The following CIMAP2 variants were observed in gnomAD, a reference collection of about 807,000 sequenced individuals.
CIMAP2 encodes ciliary microtubule-associated protein 2.
the CIMAP2 span, chr1:54,806,366 C>G: frequency 1.2e-6 from 1 of 800,958 alleles, no homozygotes; most frequent in South Asian, 2.1e-5. Context: ...GGAGTGGGGG[C>G]CGGCAGTGAG....
chr1:54,815,464 G>C, the CIMAP2 span, among the ~76,000 whole-genome samples: 1 of 152,136 alleles, frequency 6.6e-6, no homozygotes, highest in Admixed American at 6.5e-5. Context: ...TCCATCCTCT[G>C]TGTTTGTCTT....
chr1:54,836,582 T>A, the CIMAP2 span, among the ~76,000 whole-genome samples: 2 of 148,108 alleles, frequency 1.4e-5, no homozygotes, highest in African/African-American at 5.1e-5. Flanking sequence ...GGACATTTGC[T>A]AGGGGTCAGA....
chr1:54,821,851 A>AACT, the CIMAP2 span, among the ~76,000 whole-genome samples: 2 of 149,170 alleles, frequency 1.3e-5, no homozygotes, highest in African/African-American at 2.5e-5. Context: ...GACAATTTAT[A>AACT]ACTTCCTCAT....
chr1:54,814,310 A>C, the CIMAP2 span, among the ~76,000 whole-genome samples: 3 of 152,154 alleles, frequency 2.0e-5, no homozygotes, highest in Non-Finnish European at 4.4e-5. Flanking sequence ...AGAGCGTTGG[A>C]GGATGGGCAG....
chr1:54,829,768 GCTTT>G, the CIMAP2 span, among the ~76,000 whole-genome samples: 1 of 152,094 alleles, frequency 6.6e-6, no homozygotes, highest in African/African-American at 2.4e-5. Flanking sequence ...TGAAGGCAGT[GCTTT>G]CTCATCTTTC....
chr1:54,815,050 C>T, the CIMAP2 span: 1 of 1,613,996 alleles, frequency 6.2e-7, no homozygotes, highest in African/African-American at 1.3e-5. Flanking sequence ...GTAAGTGGGT[C>T]TGGGGTGAGG....
chr1:54,819,779 T>G, the CIMAP2 span, among the ~76,000 whole-genome samples: 2 of 120,264 alleles, frequency 1.7e-5, no homozygotes, highest in Admixed American at 9.5e-5. Context: ...CCTCCCTCCC[T>G]TCCTTCCTTT....
chr1:54,826,206 C>G, the CIMAP2 span, among the ~76,000 whole-genome samples: 1 of 152,170 alleles, frequency 6.6e-6, no homozygotes, highest in Non-Finnish European at 1.5e-5. Flanking sequence ...AGCTCTGCCA[C>G]TGGAAGAGGT....
chr1:54,809,830 C>T, the CIMAP2 span, among the ~76,000 whole-genome samples: 2 of 151,680 alleles, frequency 1.3e-5, no homozygotes, highest in African/African-American at 2.4e-5. Context: ...GCCTTCCCAC[C>T]TTCCCTCGTA....
chr1:54,833,459 G>A, the CIMAP2 span, among the ~76,000 whole-genome samples: 5 of 152,136 alleles, frequency 3.3e-5, no homozygotes, highest in Non-Finnish European at 5.9e-5. Flanking sequence ...TCTCCTTCTG[G>A]AATGTGCGGC....
the CIMAP2 span, among the ~76,000 whole-genome samples, chr1:54,839,557 T>C: frequency 0.091 from 13,813 of 152,000 alleles, 864 homozygotes; most frequent in Non-Finnish European, 0.13. Flanking sequence ...TTTGTATTTG[T>C]AGTAGAGACA....
At chr1:54,807,446 G>A in the CIMAP2 span, 1 of 1,421,640 alleles carries the variant, frequency 7.0e-7, no homozygotes, top group Non-Finnish European at 9.3e-7. Flanking sequence ...CCGGGTCAGG[G>A]TGGTGGCTTG....
the CIMAP2 span, among the ~76,000 whole-genome samples, chr1:54,834,674 C>T: frequency 3.0e-3 from 450 of 152,138 alleles, 1 homozygote; most frequent in South Asian, 0.023. Context: ...CAAGTCTAAA[C>T]GTGAAATTCA....
chr1:54,814,002 CCT>C, the CIMAP2 span: 5 of 1,561,958 alleles, frequency 3.2e-6, no homozygotes, highest in Non-Finnish European at 4.3e-6. Flanking sequence ...GGCCGGCCTT[CCT>C]CTCTCGGAGG....
At chr1:54,815,060 GGA>G in the CIMAP2 span, 1 of 1,613,144 alleles carries the variant, frequency 6.2e-7, no homozygotes, top group Non-Finnish European at 8.5e-7. Flanking sequence ...CTGGGGTGAG[GGA>G]TACATGGGAA....
the CIMAP2 span, chr1:54,811,765 G>GCGGGGGGGGGGGGCGCCC: frequency 7.7e-7 from 1 of 1,301,332 alleles, no homozygotes; most frequent in Non-Finnish European, 1.1e-6. Context: ...GGTTCTGACA[G>GCGGGGGGGGGGGGCGCCC]CCTCCATGCC....
At chr1:54,813,384 C>T in the CIMAP2 span, among the ~76,000 whole-genome samples, 1 of 152,212 alleles carries the variant, frequency 6.6e-6, no homozygotes, top group Admixed American at 6.5e-5. Context: ...AAATGCGTGA[C>T]ATGCAGCCAC....
the CIMAP2 span, chr1:54,841,624 T>A: frequency 6.2e-7 from 1 of 1,614,174 alleles, no homozygotes; most frequent in South Asian, 1.1e-5. Context: ...AGAATCAGGC[T>A]GTTTTGTTGG....
At chr1:54,814,968 A>T in the CIMAP2 span, 2 of 1,614,068 alleles carry the variant, frequency 1.2e-6, no homozygotes, top group African/African-American at 2.7e-5. Context: ...CAAACCCGTC[A>T]ACCAGCCCCC....
Sources: allele counts gnomAD v4.1 joint callset (sites outside exome capture counted in the v4.1 genomes callset), GRCh38; gene constraint gnomAD v4.1.1; transcripts MANE v1.5; gene names NCBI Gene and HGNC (gene_info 2026-07-23, HGNC 2026-07-21).